The following FHIT variants were observed in gnomAD, a reference collection of about 807,000 sequenced individuals.
FHIT encodes the protein fragile histidine triad diadenosine triphosphatase.
Under a neutral mutation model 17.9 loss-of-function variants are expected in FHIT, and 19 were observed. The ratio of observed to expected loss-of-function variants is 1.06; its 90% CI spans 0.74 to 1.56. The LOEUF is 1.56. Among genes scored for constraint, FHIT ranks in the 40% most tolerant of loss-of-function variants. The pLI is 0.00. For missense variants in FHIT, 248 were observed against 189.2 expected, an observed-to-expected ratio of 1.31 and a Z score of -1.82; for synonymous variants, 81 against 69.7, an observed-to-expected ratio of 1.16 and a Z score of -0.81.
chr3:59,981,678 A>G (rs1435437450), intron 7 of FHIT, among the ~76,000 whole-genome samples: 3 of 152,168 alleles, frequency 2.0e-5, no homozygotes, highest in African/African-American at 7.2e-5. Context: ...CTTGATAATT[A>G]ACAGTTCTTA....
chr3:60,384,129 G>A (rs940308780), intron 5 of FHIT, among the ~76,000 whole-genome samples: 1 of 152,038 alleles, frequency 6.6e-6, no homozygotes, highest in Admixed American at 6.5e-5. Flanking sequence ...TTAGACGAGT[G>A]TGGTGCTGCG....
intron 8 of FHIT, among the ~76,000 whole-genome samples, chr3:59,887,266 T>A (rs905952844): frequency 6.6e-6 from 1 of 152,186 alleles, no homozygotes; most frequent in African/African-American, 2.4e-5. Flanking sequence ...AGCAGTGGAA[T>A]CTTTCCCATG....
chr3:60,665,080 T>C (rs2040350737), intron 4 of FHIT, among the ~76,000 whole-genome samples: 2 of 152,048 alleles, frequency 1.3e-5, no homozygotes, highest in African/African-American at 2.4e-5. Context: ...CTTTGACCTG[T>C]TGATAACTTA....
At chr3:60,832,759 T>C (rs1174430831) in intron 3 of FHIT, among the ~76,000 whole-genome samples, 3 of 152,030 alleles carry the variant, frequency 2.0e-5, no homozygotes, top group Non-Finnish European at 4.4e-5. Context: ...AAATTCAGTC[T>C]CTTATTCATT....
At position 59,835,798 on chromosome 3, in the gene FHIT, C is replaced by T. The variant is rs185100441; in HGVS notation, c.349-83477G>A. ...ACTAGCTCATTAAGTTGATTAGTTC[C>T]TTGCCAGCCTATAATGAAATTCTAA... On this transcript the variant is annotated intron_variant, in intron 8 of 9. Transcript: ENST00000492590. Among the ~76,000 whole-genome samples the T allele has an allele frequency of 2.4e-3, 366 of 152,282 alleles. 2 individuals are homozygous for T. The highest frequency in any genetic ancestry group is 8.5e-3 in the African/African-American group (352 of 41,548).
chr3:60,708,116 G>A (rs1317799510), intron 4 of FHIT, among the ~76,000 whole-genome samples: 2 of 152,114 alleles, frequency 1.3e-5, no homozygotes, highest in African/African-American at 4.8e-5. Context: ...AAAATACAGT[G>A]GTTGGCAAGG....
rs76269790 is a variant in FHIT at position 60,618,568 on chromosome 3, G to T, written c.-17-81589C>A. Among the ~76,000 whole-genome samples the T allele has an allele frequency of 2.9e-4, 44 of 152,226 alleles. No individual in the cohort carries two copies. In the East Asian group the frequency reaches 6.4e-3, roughly 22 times the overall value. On this transcript the variant is annotated intron_variant, in intron 4 of 9. Transcript: ENST00000492590. The stretch of plus-strand genomic sequence containing the variant: ...CCGTTCCTGCGTTAATTTGCTGAGG[G>T]CAAAACCTGATTACTTTGAAAACAA...
intron 5 of FHIT, among the ~76,000 whole-genome samples, chr3:60,061,860 T>C (rs1268062709): frequency 6.6e-6 from 1 of 152,054 alleles, no homozygotes; most frequent in African/African-American, 2.4e-5. Context: ...GAGAGATGAA[T>C]TTCAGCCAGA....
chr3:59,789,066 C>T (rs1318976331), intron 8 of FHIT, among the ~76,000 whole-genome samples: 1 of 152,040 alleles, frequency 6.6e-6, no homozygotes, highest in Non-Finnish European at 1.5e-5. Flanking sequence ...AAAAAATTCA[C>T]AGCCAATTTA....
intron 4 of FHIT, among the ~76,000 whole-genome samples, chr3:60,757,376 G>A (rs1699472012): frequency 6.6e-6 from 1 of 152,202 alleles, no homozygotes; most frequent in Non-Finnish European, 1.5e-5. Context: ...AATGGCAACA[G>A]AGAAAGAAAG....
chr3:60,919,708 G>C (rs1038885300), intron 3 of FHIT, among the ~76,000 whole-genome samples: 2 of 152,140 alleles, frequency 1.3e-5, no homozygotes, highest in Non-Finnish European at 2.9e-5. Context: ...TACTTTACCT[G>C]TCTAATCACG....
chr3:60,737,500 C>T (rs781991294), intron 4 of FHIT, among the ~76,000 whole-genome samples: 1 of 152,106 alleles, frequency 6.6e-6, no homozygotes, highest in Non-Finnish European at 1.5e-5. Context: ...AAACAGAAAG[C>T]CTGAGAATTC....
intron 5 of FHIT, among the ~76,000 whole-genome samples, chr3:60,260,953 C>T (rs1034580267): frequency 6.6e-5 from 10 of 151,996 alleles, no homozygotes; most frequent in African/African-American, 1.9e-4. Flanking sequence ...GGAAGTTACA[C>T]TATATGGTCT....
intron 5 of FHIT, among the ~76,000 whole-genome samples, chr3:60,161,900 C>T (rs1038112073): frequency 2.0e-5 from 3 of 152,096 alleles, no homozygotes; most frequent in African/African-American, 7.2e-5. Context: ...AAAGTCACCC[C>T]TTCAATGGGC....
At chr3:59,978,573 T>C (rs1708513410) in intron 7 of FHIT, among the ~76,000 whole-genome samples, 2 of 151,660 alleles carry the variant, frequency 1.3e-5, no homozygotes, top group Admixed American at 6.6e-5. Flanking sequence ...TCTACTCTGT[T>C]ATCTGAAACA....
chr3:60,788,732 G>A (rs1700669860), intron 4 of FHIT, among the ~76,000 whole-genome samples: 1 of 152,106 alleles, frequency 6.6e-6, no homozygotes, highest in Admixed American at 6.5e-5. Context: ...GACACTTCAT[G>A]CAAATAAATA....
intron 3 of FHIT, among the ~76,000 whole-genome samples, chr3:60,879,428 C>A (rs201586960): frequency 6.6e-6 from 1 of 152,166 alleles, no homozygotes; most frequent in Non-Finnish European, 1.5e-5. Context: ...TCTTTCTCTG[C>A]AAAAGCCACT....
intron 5 of FHIT, among the ~76,000 whole-genome samples, chr3:60,183,612 G>C (rs1702035675): frequency 6.6e-6 from 1 of 152,018 alleles, no homozygotes; most frequent in African/African-American, 2.4e-5. Context: ...ACAGGCTCAA[G>C]TGTGCCATGT....
At chr3:59,781,212 G>T (rs191399622) in intron 8 of FHIT, among the ~76,000 whole-genome samples, 1 of 152,090 alleles carries the variant, frequency 6.6e-6, no homozygotes, top group African/African-American at 2.4e-5. Flanking sequence ...GGTCCCAAGC[G>T]CACAGCCAAA....
Sources: allele counts gnomAD v4.1 joint callset (sites outside exome capture counted in the v4.1 genomes callset), GRCh38; gene constraint gnomAD v4.1.1; transcripts MANE v1.5; gene names NCBI Gene and HGNC (gene_info 2026-07-23, HGNC 2026-07-21).